The following CCDC83 variants were observed in gnomAD, a reference collection of about 807,000 sequenced individuals.
CCDC83 encodes coiled-coil domain-containing protein 83.
Under a neutral mutation model 50.1 loss-of-function variants are expected in CCDC83, and 54 were observed. That is an observed-to-expected ratio of 1.08 (90% CI 0.87 to 1.35). The LOEUF (loss-of-function observed/expected upper bound fraction) is 1.35. Ranked by LOEUF, CCDC83 falls within the 40% of genes most tolerant of loss-of-function variation. The pLI is 0.00. For synonymous variants in CCDC83, 161 were observed against 153.3 expected (o/e 1.05, Z -0.37); for missense variants, 518 against 473.9 (o/e 1.09, Z -0.86).
At chr11:85,895,068 G>T (rs527690846) in intron 5 of CCDC83, among the ~76,000 whole-genome samples, 1 of 152,086 alleles carries the variant, frequency 6.6e-6, no homozygotes, top group Non-Finnish European at 1.5e-5. Context: ...TCCTCTCCTC[G>T]TTCTGTCTTT....
intron 5 of CCDC83, among the ~76,000 whole-genome samples, chr11:85,893,793 T>A (rs751845679): frequency 6.6e-6 from 1 of 152,188 alleles, no homozygotes; most frequent in Admixed American, 6.5e-5. Context: ...TAATGATCTG[T>A]CACTGTCTCC....
chr11:85,918,979 T>G (rs1255573960), intron 10 of CCDC83, among the ~76,000 whole-genome samples: 5 of 152,230 alleles, frequency 3.3e-5, no homozygotes, highest in African/African-American at 1.2e-4. Context: ...AATTTTTTCC[T>G]TTTGGCAAAG....
At chr11:85,874,478 T>G (rs1025263760) in intron 3 of CCDC83, among the ~76,000 whole-genome samples, 5 of 152,228 alleles carry the variant, frequency 3.3e-5, no homozygotes, top group Non-Finnish European at 7.3e-5. Context: ...CTTGTTTCCA[T>G]GAAGATTGGC....
rs560511080 is a variant in CCDC83, at chr11:85,899,019, A to C, written c.672+4A>C. 4.4e-6 allele frequency: 7 copies of C among 1,595,982 alleles called. No homozygotes were observed. Among genetic ancestry groups the C allele is most frequent in the African/African-American group, 4.0e-5 (3 of 74,524 alleles). ...GAATGACTGGCTCAAAAAAGAGGTA[A>C]GTGGAATTTATCAAAACAAACAATT... On this transcript the variant is annotated splice_donor_region_variant and intron_variant, in intron 7 of 10. Transcript: ENST00000342404.
At position 85,916,127 on chromosome 11, in the gene CCDC83, T is replaced by A; in HGVS notation, c.974T>A (p.Ile325Asn). ...TTACATCTTAGTCATGAAAATAGCATCGAAGATCTCCAGTATGTGAAGATA... is the reference window on the plus strand; with the variant it reads ...TTACATCTTAGTCATGAAAATAGCAACGAAGATCTCCAGTATGTGAAGATA... ...TILHLSHENS[I>N]EDLQYVKIDK... The change falls in exon 10 of 11, where the codon ATC (isoleucine) becomes AAC (asparagine). Residue 325 changes from isoleucine to asparagine, a missense_variant. By Grantham distance (149) the Ile-to-Asn change is moderately radical. Coordinates refer to ENST00000342404, the MANE Select transcript of CCDC83 (RefSeq NM_001286159.2). 3.1e-6 allele frequency: 5 copies of A among 1,613,170 alleles called. No individual in the cohort carries two copies. The highest frequency in any genetic ancestry group is 1.1e-5 in the South Asian group (1 of 91,056).
At chr11:85,889,720 G>A (rs1346379683) in intron 5 of CCDC83, among the ~76,000 whole-genome samples, 2 of 152,080 alleles carry the variant, frequency 1.3e-5, no homozygotes. Context: ...GATTTTCCTG[G>A]AATTCTCCTC....
At chr11:85,885,118 G>A (rs1014356472) in intron 4 of CCDC83, among the ~76,000 whole-genome samples, 5 of 152,060 alleles carry the variant, frequency 3.3e-5, no homozygotes, top group Non-Finnish European at 7.4e-5. Flanking sequence ...GGAGACTGAG[G>A]CAGGAGAATC....
intron 2 of CCDC83, among the ~76,000 whole-genome samples, chr11:85,869,934 C>T (rs978230997): frequency 1.3e-4 from 20 of 152,204 alleles, no homozygotes; most frequent in Non-Finnish European, 2.4e-4. Flanking sequence ...GCTCCACAAG[C>T]GGGCCAGTGA....
chr11:85,880,883 G>A (rs2093295955), intron 3 of CCDC83, among the ~76,000 whole-genome samples: 1 of 152,120 alleles, frequency 6.6e-6, no homozygotes, highest in Non-Finnish European at 1.5e-5. Context: ...TTGGGGATGG[G>A]ACTCAAGTCT....
At chr11:85,856,288 C>T (rs112535014) in intron 1 of CCDC83, among the ~76,000 whole-genome samples, 2,958 of 151,950 alleles carry the variant, frequency 0.019, 104 homozygotes, top group African/African-American at 0.066. Context: ...TCATGGATTG[C>T]CTTACAGCCA....
intron 7 of CCDC83, 138 bp downstream of exon 7, chr11:85,899,153 C>A: frequency 1.6e-6 from 1 of 611,472 alleles, no homozygotes; most frequent in South Asian, 2.0e-5. Context: ...CAAGTGGAGT[C>A]CTCATCTCAT....
chr11:85,872,784 C>T (rs2093246658), intron 2 of CCDC83, among the ~76,000 whole-genome samples: 1 of 152,090 alleles, frequency 6.6e-6, no homozygotes, highest in Non-Finnish European at 1.5e-5. Context: ...GAACTTGAAC[C>T]AATAGGCATG....
chr11:85,907,370 A>G (rs1388788695), intron 7 of CCDC83, among the ~76,000 whole-genome samples: 1 of 152,190 alleles, frequency 6.6e-6, no homozygotes, highest in African/African-American at 2.4e-5. Flanking sequence ...GAATTTCCAA[A>G]TGATTGAGAT....
In CCDC83 at chr11:85,873,323, T is replaced by C. The variant is rs755803121; in HGVS notation, c.180+28T>C. 3.3e-6 allele frequency: 3 copies of C among 917,184 alleles called. No individual in the cohort carries two copies. In the African/African-American group the frequency reaches 5.1e-5, roughly 16 times the overall value. 56.8% of individuals were successfully genotyped at this position (917,184 alleles called of 1,614,324 possible). A position where few individuals can be genotyped will look rare whatever the true frequency, so the allele number is the denominator to read the frequency against. On this transcript the variant is annotated intron_variant, in intron 3 of 10. Transcript: ENST00000342404. ...GAGTATAAAATTTAGAACCTATATA[T>C]AGTCATTAAATATTTACACTCATGC...
chr11:85,860,996 G>A (rs370145116), intron 1 of CCDC83, among the ~76,000 whole-genome samples: 2 of 99,128 alleles, frequency 2.0e-5, no homozygotes, highest in Admixed American at 9.2e-5. Context: ...AAATTGTGGG[G>A]AAAAAAAAAA....
At chr11:85,861,865 C>G (rs2093177785) in intron 1 of CCDC83, among the ~76,000 whole-genome samples, 1 of 151,688 alleles carries the variant, frequency 6.6e-6, no homozygotes, top group African/African-American at 2.4e-5. Context: ...AAAAATTAGC[C>G]AGGCATGGTA....
chr11:85,892,496 T>G (rs544889907), intron 5 of CCDC83, among the ~76,000 whole-genome samples: 2 of 152,206 alleles, frequency 1.3e-5, no homozygotes, highest in East Asian at 1.9e-4. Context: ...TGGAAGAGAA[T>G]AGATTGTGAA....
chr11:85,868,668 G>A (rs2093221120), intron 2 of CCDC83, among the ~76,000 whole-genome samples: 2 of 152,206 alleles, frequency 1.3e-5, no homozygotes, highest in African/African-American at 2.4e-5. Flanking sequence ...GGGATTACAG[G>A]TGTTAGCCAT....
intron 10 of CCDC83, among the ~76,000 whole-genome samples, chr11:85,918,952 G>C (rs1170868418): frequency 2.6e-5 from 4 of 152,204 alleles, no homozygotes; most frequent in Admixed American, 6.5e-5. Context: ...TTGCTTACAT[G>C]ACTCAGCTTT....
Sources: allele counts gnomAD v4.1 joint callset (sites outside exome capture counted in the v4.1 genomes callset), GRCh38; gene constraint gnomAD v4.1.1; transcripts MANE v1.5; gene names NCBI Gene and HGNC (gene_info 2026-07-23, HGNC 2026-07-21).